KLF8: variants seen among roughly 807,000 people sequenced by gnomAD.
The protein encoded by KLF8 is Krueppel-like factor 8.
A neutral mutation model predicts 18.2 loss-of-function variants in KLF8; 10 were observed. The ratio of observed to expected loss-of-function variants is 0.55; its 90% CI spans 0.34 to 0.93. The LOEUF (loss-of-function observed/expected upper bound fraction) is 0.93, where lower values mean the gene tolerates loss of function less well. Ranked by LOEUF, KLF8 falls within the 40% of genes least tolerant of loss-of-function variation. The pLI, the probability that KLF8 is intolerant of heterozygous loss-of-function variation, is 0.02. For synonymous variants in KLF8, 109 were observed against 97.3 expected (o/e 1.12, Z -0.71); for missense variants, 264 against 277.9 (o/e 0.95, Z 0.36).
At chrX:56,244,892 G>A (rs1329402881) in intron 1 of KLF8, among the ~76,000 whole-genome samples, 4 of 107,912 alleles carry the variant, frequency 3.7e-5, no homozygotes, top group Non-Finnish European at 5.8e-5. Context: ...GTGATTAGTT[G>A]TGTTGTCCTT....
chrX:55,908,703 A>C, the KLF8 span: 2 of 287,104 alleles, frequency 7.0e-6, no homozygotes, highest in Non-Finnish European at 1.2e-5. Flanking sequence ...CGAGGGAGTG[A>C]GGACCCCGGG....
chrX:56,157,665 T>C, the KLF8 span, among the ~76,000 whole-genome samples: 2 of 112,055 alleles, frequency 1.8e-5, no homozygotes, highest in Non-Finnish European at 3.8e-5. Flanking sequence ...TTTTCATGTG[T>C]CTTTTGGCTG....
the KLF8 span, among the ~76,000 whole-genome samples, chrX:55,937,056 G>C: frequency 9.0e-6 from 1 of 111,598 alleles, no homozygotes; most frequent in Non-Finnish European, 1.9e-5. Flanking sequence ...CTTGAGCTCA[G>C]AGAACGGGCA....
At chrX:56,060,605 T>A in the KLF8 span, among the ~76,000 whole-genome samples, 1 of 111,922 alleles carries the variant, frequency 8.9e-6, no homozygotes, top group Non-Finnish European at 1.9e-5. Context: ...TTATTGAGGA[T>A]TTTTACATCG....
At chrX:56,139,314 C>T in the KLF8 span, among the ~76,000 whole-genome samples, 1 of 111,653 alleles carries the variant, frequency 9.0e-6, no homozygotes, top group African/African-American at 3.3e-5. Context: ...TGAAAATTCA[C>T]ATGAAACCAG....
chrX:56,128,278 G>C, the KLF8 span, among the ~76,000 whole-genome samples: 1 of 111,885 alleles, frequency 8.9e-6, no homozygotes, highest in Non-Finnish European at 1.9e-5. Context: ...AACTCATGAT[G>C]GTTTTGAAAA....
chrX:55,970,266 T>C, the KLF8 span, among the ~76,000 whole-genome samples: 2 of 111,158 alleles, frequency 1.8e-5, no homozygotes, highest in African/African-American at 6.5e-5. Context: ...AAGACTGTTT[T>C]AACATGTATA....
chrX:55,980,838 A>C, the KLF8 span, among the ~76,000 whole-genome samples: 1 of 112,185 alleles, frequency 8.9e-6, no homozygotes, highest in Non-Finnish European at 1.9e-5. Flanking sequence ...TTAAAATCTT[A>C]GGCTTCTCCC....
At chrX:56,283,472 C>T (rs1162880590) in intron 5 of KLF8, among the ~76,000 whole-genome samples, 1 of 110,529 alleles carries the variant, frequency 9.0e-6, no homozygotes, top group Non-Finnish European at 1.9e-5. Context: ...CCCGGGTTCA[C>T]GCCATTCTCC....
At chrX:56,217,448 C>T in the KLF8 span, among the ~76,000 whole-genome samples, 1 of 108,897 alleles carries the variant, frequency 9.2e-6, no homozygotes, top group Non-Finnish European at 1.9e-5. Flanking sequence ...CAGAGTCTTG[C>T]TCTGTCACCA....
the KLF8 span, among the ~76,000 whole-genome samples, chrX:55,917,235 C>T: frequency 8.9e-6 from 1 of 112,036 alleles, no homozygotes; most frequent in East Asian, 2.8e-4. Context: ...CAAAATGAAG[C>T]AACTTCCTAG....
the KLF8 span, among the ~76,000 whole-genome samples, chrX:56,218,859 G>C: frequency 8.9e-6 from 1 of 111,959 alleles, no homozygotes; most frequent in African/African-American, 3.2e-5. Context: ...ATTTGGTTTA[G>C]GGAAGAGGTT....
chrX:56,277,849 T>G (rs1250751153), intron 5 of KLF8, among the ~76,000 whole-genome samples: 2 of 112,630 alleles, frequency 1.8e-5, no homozygotes, highest in Non-Finnish European at 3.8e-5. Context: ...GTGGCTGAAT[T>G]GGCACTCAAA....
chrX:56,069,394 C>G, the KLF8 span, among the ~76,000 whole-genome samples: 1 of 111,604 alleles, frequency 9.0e-6, no homozygotes, highest in Non-Finnish European at 1.9e-5. Flanking sequence ...AAACACCCAC[C>G]CTGCTGTCCC....
the KLF8 span, among the ~76,000 whole-genome samples, chrX:56,048,049 G>A: frequency 8.9e-6 from 1 of 111,807 alleles, no homozygotes; most frequent in Admixed American, 9.5e-5. Context: ...GTGTTTTTTG[G>A]CTGCATAAAT....
chrX:55,948,712 C>T, the KLF8 span, among the ~76,000 whole-genome samples: 4 of 110,635 alleles, frequency 3.6e-5, no homozygotes, highest in African/African-American at 1.3e-4. Context: ...ACCATCACCA[C>T]TCTTGCAATA....
chrX:55,954,004 A>G, the KLF8 span, among the ~76,000 whole-genome samples: 1 of 109,798 alleles, frequency 9.1e-6, no homozygotes, highest in African/African-American at 3.3e-5. Flanking sequence ...AAGAAACTCA[A>G]GTAAGTGAAA....
chrX:56,262,617 C>T (rs917634570), intron 2 of KLF8, among the ~76,000 whole-genome samples: 3 of 111,131 alleles, frequency 2.7e-5, no homozygotes, highest in Non-Finnish European at 5.7e-5. Flanking sequence ...CACCTGCACC[C>T]ACAACTATAT....
chrX:56,096,050 G>A, the KLF8 span, among the ~76,000 whole-genome samples: 2 of 111,665 alleles, frequency 1.8e-5, no homozygotes, highest in African/African-American at 6.5e-5. Context: ...ATCAACATAA[G>A]TGTTCATCAA....
Sources: allele counts gnomAD v4.1 joint callset (sites outside exome capture counted in the v4.1 genomes callset), GRCh38; gene constraint gnomAD v4.1.1; transcripts MANE v1.5; gene names NCBI Gene and HGNC (gene_info 2026-07-23, HGNC 2026-07-21).